The following GAN variants were observed in gnomAD, a reference collection of about 807,000 sequenced individuals.
The protein encoded by GAN is epididymis secretory sperm binding protein.
Under a neutral mutation model 71.3 loss-of-function variants are expected in GAN, and 48 were observed. The ratio of observed to expected loss-of-function variants is 0.67; its 90% CI spans 0.53 to 0.86. The LOEUF (loss-of-function observed/expected upper bound fraction) is 0.86. Among genes scored for constraint, GAN ranks in the 40% least tolerant of loss-of-function variants. The probability of loss-of-function intolerance (pLI) is 0.00; values close to 1 mark genes in which losing one functional copy is unlikely to be tolerated. For missense variants in GAN, 928 were observed against 770.1 expected, an observed-to-expected ratio of 1.21 and a Z score of -2.43; for synonymous variants, 386 against 276.8, an observed-to-expected ratio of 1.39 and a Z score of -3.92.
chr16:81,367,808 A>C (rs1246095750), intron 9 of GAN, among the ~76,000 whole-genome samples: 1 of 152,216 alleles, frequency 6.6e-6, no homozygotes, highest in Non-Finnish European at 1.5e-5. Flanking sequence ...AAGGAGCAAG[A>C]AGCTGAGGTG....
chr16:81,367,384 C>G (rs1412633275), intron 9 of GAN, among the ~76,000 whole-genome samples: 1 of 151,968 alleles, frequency 6.6e-6, no homozygotes, highest in African/African-American at 2.4e-5. Context: ...AAAAAATTAG[C>G]CAGGCATAGT....
intron 1 of GAN, among the ~76,000 whole-genome samples, chr16:81,316,322 G>A (rs1164941848): frequency 6.8e-6 from 1 of 146,906 alleles, no homozygotes; most frequent in African/African-American, 2.5e-5. Flanking sequence ...TATTCTTAGC[G>A]CTTTGTCCCA....
rs1198296321 is a variant in GAN, at chr16:81,377,280, G to C, written c.1564G>C (p.Ala522Pro). The C allele has an allele frequency of 1.9e-6, 3 of 1,611,752 alleles. No homozygotes were observed. The highest frequency in any genetic ancestry group is 2.5e-6 in the Non-Finnish European group (3 of 1,177,820). The change falls in exon 10 of 11, where the codon GCT becomes CCT. Residue 522 changes from alanine (A) to proline (P), a missense_variant. Transcript: ENST00000648994. Reference protein sequence around the residue: ...IPASSSFVYGAVPIGASIYVI... With the variant: ...IPASSSFVYGPVPIGASIYVI... The stretch of plus-strand genomic sequence containing the variant: ...CGCCAGTTCCTCTTTTGTTTATGGA[G>C]CTGTACCTATAGGAGCCAGTATTTA...
chr16:81,315,142 CT>C lies in GAN; in HGVS notation c.30del (p.Gln11SerfsTer49). The C allele has an allele frequency of 6.5e-7, 1 of 1,536,876 alleles. No individual in the cohort carries two copies. The highest frequency in any genetic ancestry group is 8.7e-7 in the Non-Finnish European group (1 of 1,143,328). ...GCTGAGGGCAGTGCCGTGTCTGACC[CT>C]CAGCACGCCGCGCGTCTGCTGCGAG... MAEGSAVSD[P>X]QHAARLLRAL... On this transcript the variant is annotated frameshift_variant, in exon 1 of 11. Coordinates refer to ENST00000648994, the MANE Select transcript of GAN (RefSeq NM_022041.4). LOFTEE classifies it high-confidence loss of function.
intron 1 of GAN, among the ~76,000 whole-genome samples, chr16:81,333,271 C>G (rs367901385): frequency 3.0e-4 from 45 of 151,144 alleles, no homozygotes; most frequent in African/African-American, 1.1e-3. Context: ...GAGGAATCCA[C>G]TAGGTTAGTC....
chr16:81,322,800 T>G (rs1393744010), intron 1 of GAN, among the ~76,000 whole-genome samples: 1 of 152,238 alleles, frequency 6.6e-6, no homozygotes, highest in African/African-American at 2.4e-5. Context: ...TCAAAATATT[T>G]GCACTTTTGT....
In GAN at chr16:81,357,663, A is replaced by G. The variant is rs1910535874; in HGVS notation, c.852-147A>G. ...GGTCAAATGGCATTCCTAGTTCTAGATCCCTGAGGAATCGTCACACTGACT... is the reference window on the plus strand; with the variant it reads ...GGTCAAATGGCATTCCTAGTTCTAGGTCCCTGAGGAATCGTCACACTGACT... On this transcript the variant is annotated intron_variant, in intron 4 of 10. Coordinates refer to ENST00000648994, the MANE Select transcript of GAN (RefSeq NM_022041.4). 6 of 737,176 alleles carry G rather than the reference A, an allele frequency of 8.1e-6. No individual in the cohort carries two copies. In the South Asian group the frequency reaches 8.9e-5, roughly 11 times the overall value. The allele number at this position is 737,176 out of a possible 1,614,324, so 45.7% of individuals were successfully genotyped here.
intron 1 of GAN, among the ~76,000 whole-genome samples, chr16:81,335,676 G>A (rs1909732827): frequency 6.6e-6 from 1 of 151,128 alleles, no homozygotes; most frequent in East Asian, 1.9e-4. Flanking sequence ...GAACTCGGGA[G>A]GCGGAGGTTG....
chr16:81,360,549 T>G (rs1025822105), intron 5 of GAN, among the ~76,000 whole-genome samples: 2 of 152,126 alleles, frequency 1.3e-5, no homozygotes, highest in African/African-American at 2.4e-5. Flanking sequence ...TAACTCTGAT[T>G]AATCTGCTAT....
intron 2 of GAN, 28 bp downstream of exon 2, chr16:81,351,725 C>T (rs755471804): frequency 2.9e-6 from 3 of 1,038,648 alleles, no homozygotes; most frequent in Non-Finnish European, 4.6e-6. Flanking sequence ...GGAAGGAAGA[C>T]CTAAGTAGAG....
chr16:81,315,179 T>C lies in GAN; in HGVS notation c.66T>C (p.Ser22=). The C allele has an allele frequency of 6.4e-7, 1 of 1,572,126 alleles. No individual in the cohort carries two copies. The highest frequency in any genetic ancestry group is 1.4e-5 in the African/African-American group (1 of 72,098). ...CGCGTCTGCTGCGAGCGCTCAGCTC[T>C]TTCCGCGAGGAGTCTCGCTTCTGCG... ...HAARLLRALS[S]FREESRFCDA... Residue 22 remains serine, a synonymous_variant, in exon 1 of 11, where the codon TCT becomes TCC. Coordinates refer to ENST00000648994, the MANE Select transcript of GAN (RefSeq NM_022041.4).
intron 2 of GAN, among the ~76,000 whole-genome samples, chr16:81,353,302 A>C (rs1245146979): frequency 6.6e-6 from 1 of 151,886 alleles, no homozygotes; most frequent in Non-Finnish European, 1.5e-5. Flanking sequence ...AAAAAAAAAA[A>C]AAAACGATAG....
At chr16:81,333,955 A>G (rs1031569706) in intron 1 of GAN, among the ~76,000 whole-genome samples, 1 of 152,084 alleles carries the variant, frequency 6.6e-6, no homozygotes, top group Non-Finnish European at 1.5e-5. Flanking sequence ...ACACATGCAC[A>G]CTCTGCAGAA....
chr16:81,374,220 G>C (rs1263075695), intron 9 of GAN, among the ~76,000 whole-genome samples: 3 of 152,218 alleles, frequency 2.0e-5, no homozygotes, highest in East Asian at 1.9e-4. Flanking sequence ...CATCATATCA[G>C]GGAGAACACG....
At chr16:81,376,467 G>A (rs780807939) in intron 9 of GAN, among the ~76,000 whole-genome samples, 49 of 66,894 alleles carry the variant, frequency 7.3e-4, no homozygotes, top group Non-Finnish European at 1.4e-3. Context: ...ACATACATAT[G>A]TGTGTGTGTG....
chr16:81,346,518 T>C (rs1910124052), intron 1 of GAN, among the ~76,000 whole-genome samples: 1 of 152,188 alleles, frequency 6.6e-6, no homozygotes, highest in Admixed American at 6.5e-5. Flanking sequence ...GCGCGAACCC[T>C]ATTGTGAATT....
At position 81,384,511 on chromosome 16, in the gene GAN, A is replaced by G. The variant is rs1597417361; in HGVS notation, c.*6915A>G. ...CGATTTCCATTCTTGTTAGCATCAG[A>G]CAAGAAAATGTGTCTATCTGTCATC... On this transcript the variant is annotated 3_prime_UTR_variant, in exon 11 of 11. Transcript: ENST00000648994. 6.6e-6 allele frequency: 1 copy of G among 152,180 alleles called. No homozygotes were observed. The highest frequency in any genetic ancestry group is 6.5e-5 in the Admixed American group (1 of 15,280). The allele number at this position is 152,180 out of a possible 1,614,324, so 9.4% of individuals were successfully genotyped here.
intron 1 of GAN, among the ~76,000 whole-genome samples, chr16:81,326,528 C>T (rs1034808588): frequency 6.2e-4 from 94 of 151,818 alleles, no homozygotes; most frequent in African/African-American, 1.9e-3. Context: ...AGTGAAACTC[C>T]GTCTCAAAAA....
chr16:81,321,879 G>C (rs760880168), intron 1 of GAN, among the ~76,000 whole-genome samples: 1 of 152,160 alleles, frequency 6.6e-6, no homozygotes, highest in Non-Finnish European at 1.5e-5. Flanking sequence ...CTTCCCATGG[G>C]TTCTCTTCCT....
Sources: gnomAD v4.1 joint callset for allele counts (sites outside exome capture counted in the v4.1 genomes callset) on GRCh38, gnomAD v4.1.1 for gene constraint, MANE v1.5 for transcripts, NCBI Gene and HGNC (gene_info 2026-07-23, HGNC 2026-07-21) for gene names.